Variants in CNTNAP5 observed in about 807,000 individuals in gnomAD.
CNTNAP5 encodes the protein contactin associated protein family member 5, also known as contactin-associated protein-like 5.
CNTNAP5 carries 72 observed loss-of-function variants against 150.2 expected under a neutral mutation model. The observed-to-expected ratio is 0.48, with a 90% CI of 0.40 to 0.58. CNTNAP5 has a LOEUF of 0.58. Ranked by LOEUF, CNTNAP5 falls within the 20% of genes least tolerant of loss-of-function variation. The pLI is 0.00. For synonymous variants in CNTNAP5, 672 were observed against 619.8 expected, an observed-to-expected ratio of 1.08 and a Z score of -1.25; for missense variants, 1,636 against 1,626.2, an observed-to-expected ratio of 1.01 and a Z score of -0.10.
At chr2:124,752,799 T>A (rs1558762252) in intron 14 of CNTNAP5, among the ~76,000 whole-genome samples, 1 of 152,128 alleles carries the variant, frequency 6.6e-6, no homozygotes, top group Non-Finnish European at 1.5e-5. Flanking sequence ...GAAACTCTGG[T>A]GACAGCTCTG....
chr2:124,286,037 C>T (rs1043482470), intron 3 of CNTNAP5, among the ~76,000 whole-genome samples: 2 of 152,112 alleles, frequency 1.3e-5, no homozygotes, highest in East Asian at 1.9e-4. Flanking sequence ...ATTTACTGAT[C>T]TCTCATTATA....
At chr2:124,159,068 G>C (rs1370449442) in intron 1 of CNTNAP5, among the ~76,000 whole-genome samples, 1 of 152,176 alleles carries the variant, frequency 6.6e-6, no homozygotes, top group Admixed American at 6.5e-5. Context: ...TACTTCAGGG[G>C]TTTCAACATG....
At chr2:124,073,079 T>G (rs1213951) in intron 1 of CNTNAP5, among the ~76,000 whole-genome samples, 147,995 of 152,158 alleles carry the variant, frequency 0.97, 72,103 homozygotes, top group East Asian at 1. Context: ...ACTCATTTTT[T>G]ACAAAGTTGC....
intron 1 of CNTNAP5, among the ~76,000 whole-genome samples, chr2:124,192,388 A>C (rs755437718): frequency 2.9e-4 from 44 of 152,068 alleles, no homozygotes; most frequent in Non-Finnish European, 5.9e-4. Context: ...TGCCCGATCA[A>C]GTACTGCCCA....
At chr2:124,140,127 C>G (rs1328771199) in intron 1 of CNTNAP5, among the ~76,000 whole-genome samples, 3 of 151,542 alleles carry the variant, frequency 2.0e-5, no homozygotes, top group African/African-American at 7.3e-5. Flanking sequence ...ACACCTGGCT[C>G]AGAGGGTCCT....
At chr2:124,145,829 G>GAAAAAAAAAAAAAAAAA in intron 1 of CNTNAP5, among the ~76,000 whole-genome samples, 1 of 25,178 alleles carries the variant, frequency 4.0e-5, no homozygotes, top group South Asian at 1.8e-3. Context: ...AAAAAAAAAA[G>GAAAAAAAAAAAAAAAAA]AAGAAAAAAA....
chr2:124,741,629 T>C (rs1680499467), intron 13 of CNTNAP5, among the ~76,000 whole-genome samples: 2 of 152,214 alleles, frequency 1.3e-5, no homozygotes, highest in South Asian at 4.1e-4. Flanking sequence ...TCTCTGCATA[T>C]AATATATACA....
chr2:124,357,625 G>T (rs529270688), intron 3 of CNTNAP5, among the ~76,000 whole-genome samples: 1 of 139,180 alleles, frequency 7.2e-6, no homozygotes, highest in African/African-American at 2.6e-5. Flanking sequence ...GTAGATATGC[G>T]GCATTATTTC....
chr2:124,615,950 T>G (rs1677483961), intron 12 of CNTNAP5, among the ~76,000 whole-genome samples: 1 of 152,156 alleles, frequency 6.6e-6, no homozygotes, highest in Non-Finnish European at 1.5e-5. Flanking sequence ...AGAAATCCTT[T>G]TTTTGTTGTT....
intron 13 of CNTNAP5, among the ~76,000 whole-genome samples, chr2:124,648,512 CT>C (rs1267935582): frequency 5.3e-5 from 8 of 152,122 alleles, no homozygotes; most frequent in African/African-American, 1.9e-4. Context: ...GGAAATGACT[CT>C]TTTTATAAGT....
At position 124,151,974 on chromosome 2, in the gene CNTNAP5, G is replaced by A. The variant is rs1441874513; in HGVS notation, c.83-69731G>A. 2.6e-5 allele frequency among the ~76,000 whole-genome samples: 4 copies of A among 152,304 alleles called. No individual in the cohort carries two copies. The South Asian group carries it at 8.3e-4, about 32-fold the overall frequency. ...TGGCTGAGAGGATAAGTGAGAATAGGAAAATAAGTTTATAGGACACCCACT... is the reference window on the plus strand; with the variant it reads ...TGGCTGAGAGGATAAGTGAGAATAGAAAAATAAGTTTATAGGACACCCACT... On this transcript the variant is annotated intron_variant, in intron 1 of 23. Transcript: ENST00000682447.
chr2:124,657,121 T>A (rs192804539), intron 13 of CNTNAP5, among the ~76,000 whole-genome samples: 2 of 152,266 alleles, frequency 1.3e-5, no homozygotes, highest in African/African-American at 4.8e-5. Flanking sequence ...GGTCTCCCAA[T>A]CTCATAGTGT....
chr2:124,270,899 G>T (rs759453933), intron 3 of CNTNAP5, among the ~76,000 whole-genome samples: 1 of 151,982 alleles, frequency 6.6e-6, no homozygotes, highest in Non-Finnish European at 1.5e-5. Context: ...ATCACACTAC[G>T]TGCCCCCATG....
At position 124,655,942 on chromosome 2, in the gene CNTNAP5, AG is replaced by A. The variant is rs1558722394; in HGVS notation, c.2077+7985del. Among the ~76,000 whole-genome samples the A allele has an allele frequency of 6.2e-3, 640 of 102,812 alleles. 2 individuals carry two copies. The highest frequency in any genetic ancestry group is 8.2e-3 in the Non-Finnish European group (418 of 50,846). The allele number at this position is 102,812 out of a possible 152,430, so 67.4% of individuals were successfully genotyped here. On this transcript the variant is annotated intron_variant, in intron 13 of 23. Coordinates refer to ENST00000682447, the MANE Select transcript of CNTNAP5 (RefSeq NM_001367498.1). ...GACAGAAAGAGAGAGAGAGAGAGAG[AG>A]AGAGAAAGAAAGAAAGAAAGAAAGA...
intron 1 of CNTNAP5, among the ~76,000 whole-genome samples, chr2:124,035,514 T>C (rs1302391184): frequency 1.3e-5 from 2 of 152,192 alleles, no homozygotes; most frequent in Non-Finnish European, 2.9e-5. Flanking sequence ...CATAAGTTAA[T>C]GCTTTTCAAA....
intron 19 of CNTNAP5, among the ~76,000 whole-genome samples, chr2:124,857,093 G>A (rs1677390956): frequency 6.6e-6 from 1 of 152,118 alleles, no homozygotes; most frequent in Non-Finnish European, 1.5e-5. Flanking sequence ...TGGAGACCAA[G>A]GCATTGTGTT....
At chr2:124,318,838 A>G (rs768050337) in intron 3 of CNTNAP5, among the ~76,000 whole-genome samples, 1 of 151,456 alleles carries the variant, frequency 6.6e-6, no homozygotes, top group Non-Finnish European at 1.5e-5. Flanking sequence ...GCCTCCCTCT[A>G]TTTCTCTCCA....
intron 6 of CNTNAP5, among the ~76,000 whole-genome samples, chr2:124,452,086 G>A (rs998630422): frequency 6.6e-6 from 1 of 152,086 alleles, no homozygotes; most frequent in African/African-American, 2.4e-5. Flanking sequence ...AGAATCCACA[G>A]GTCGGGGAAG....
At chr2:124,070,897 A>T (rs1043981164) in intron 1 of CNTNAP5, among the ~76,000 whole-genome samples, 4 of 152,016 alleles carry the variant, frequency 2.6e-5, no homozygotes, top group Non-Finnish European at 5.9e-5. Context: ...CAGAAAATAC[A>T]TTCTTCTCCT....
Sources: gnomAD v4.1 joint callset for allele counts (sites outside exome capture counted in the v4.1 genomes callset) on GRCh38, gnomAD v4.1.1 for gene constraint, MANE v1.5 for transcripts, NCBI Gene and HGNC (gene_info 2026-07-23, HGNC 2026-07-21) for gene names.